Variants in CSF1 observed in about 807,000 individuals in gnomAD.
CSF1 encodes the protein colony stimulating factor 1, also known as macrophage colony-stimulating factor 1.
In CSF1, 9 loss-of-function variants were observed where a neutral mutation model predicts 48.9. The ratio of observed to expected loss-of-function variants is 0.18; its 90% CI spans 0.11 to 0.32. The LOEUF is 0.32. Among genes scored for constraint, CSF1 ranks in the 10% least tolerant of loss-of-function variants. The probability of loss-of-function intolerance (pLI) is 1.00; values close to 1 mark genes in which losing one functional copy is unlikely to be tolerated. For synonymous variants in CSF1, 305 were observed against 284.1 expected (o/e 1.07, Z -0.74); for missense variants, 672 against 697.9 (o/e 0.96, Z 0.42).
chr1:109,910,672 G>A (rs1300777008), upstream of CSF1: 1 of 328,240 alleles, frequency 3.0e-6, no homozygotes, highest in Non-Finnish European at 6.1e-6. Flanking sequence ...GCCGGCCGGC[G>A]GGTGGGGGAG....
At chr1:109,921,351 T>G (rs1193610509) in intron 4 of CSF1, among the ~76,000 whole-genome samples, 1 of 152,252 alleles carries the variant, frequency 6.6e-6, no homozygotes, top group African/African-American at 2.4e-5. Context: ...TCAGGACTTT[T>G]GCACGGTCTG....
Position 109,930,773 on chromosome 1 carries a change from G to A in CSF1, c.*1935G>A, listed in dbSNP as rs2101662761. ...TTGAGCACTTGGTGGCATCAGAGCA[G>A]GAGGAGCCCCAGAGCCACCTCTGGT... On this transcript the variant is annotated 3_prime_UTR_variant, in exon 9 of 9. Coordinates refer to ENST00000329608, the MANE Select transcript of CSF1 (RefSeq NM_000757.6). 1 of 152,336 alleles carries A rather than the reference G, an allele frequency of 6.6e-6. No individual in the cohort carries two copies. Among genetic ancestry groups the A allele is most frequent in the Non-Finnish European group, 1.5e-5 (1 of 68,042 alleles). 9.4% of individuals were successfully genotyped at this position (152,336 alleles called of 1,614,324 possible). A position where few individuals can be genotyped will look rare whatever the true frequency, so the allele number is the denominator to read the frequency against.
At chr1:109,911,168 T>C (rs1186211073) in intron 1 of CSF1, 106 bp downstream of exon 1, 6 of 710,826 alleles carry the variant, frequency 8.4e-6, no homozygotes, top group Non-Finnish European at 1.0e-5. Context: ...GCGCGCCGGC[T>C]GCACTGGCCC....
At chr1:109,925,005 T>A (rs577644582) in intron 7 of CSF1, 142 bp from the exon 8 acceptor site, 2 of 1,048,050 alleles carry the variant, frequency 1.9e-6, no homozygotes, top group Non-Finnish European at 1.5e-6. Flanking sequence ...TTTCCTGATT[T>A]CTCCGTAGAG....
intron 2 of CSF1, among the ~76,000 whole-genome samples, chr1:109,914,916 C>A (rs1654831198): frequency 6.6e-6 from 1 of 152,264 alleles, no homozygotes. Context: ...TCATCTGGGC[C>A]ATGAAGGAGC....
intron 5 of CSF1, chr1:109,922,380 AT>A (rs1299490139): frequency 5.8e-6 from 1 of 173,776 alleles, no homozygotes; most frequent in African/African-American, 2.4e-5. Flanking sequence ...GCTGACACCC[AT>A]CTGGGAGTCA....
rs1654802202 is a variant in CSF1 at position 109,914,272 on chromosome 1, C to G, written c.53C>G (p.Ser18Cys). ...TCTCTGTCACAGACATGGCTGGGCT[C>G]CCTGCTGTTGTTGGTCTGTCTCCTG... ...GRCPPTTWLG[S>C]LLLLVCLLAS... Residue 18 changes from serine (S) to cysteine (C), a missense_variant, in exon 2 of 9, where the codon TCC becomes TGC. Ser to Cys is a moderately radical substitution (Grantham distance 112). Around this residue, in one of 3 missense-constraint regions of CSF1, gnomAD observed 53 missense variants for 45.5 expected, o/e 1.17. Coordinates refer to ENST00000329608, the MANE Select transcript of CSF1 (RefSeq NM_000757.6). The G allele has an allele frequency of 1.9e-6, 3 of 1,605,300 alleles. No individual in the cohort carries two copies. Among genetic ancestry groups the G allele is most frequent in the Admixed American group, 1.7e-5 (1 of 58,964 alleles).
At position 109,915,137 on chromosome 1, in the gene CSF1, G is replaced by C. The variant is rs367735995; in HGVS notation, c.163-497G>C. ...CTCTTGCCCCAGCACTACTTCTCCTGTATGTAGTTGCTGTAGCAATCCAAG... is the reference window on the plus strand; with the variant it reads ...CTCTTGCCCCAGCACTACTTCTCCTCTATGTAGTTGCTGTAGCAATCCAAG... On this transcript the variant is annotated intron_variant, in intron 2 of 8. Coordinates refer to ENST00000329608, the MANE Select transcript of CSF1 (RefSeq NM_000757.6). Among the ~76,000 whole-genome samples the C allele has an allele frequency of 3.3e-4, 50 of 152,290 alleles. 1 individual carries two copies. The highest frequency in any genetic ancestry group is 1.2e-3 in the African/African-American group (50 of 41,532).
chr1:109,915,747 C>G (rs1158854163), intron 3 of CSF1, 51 bp downstream of exon 3: 2 of 1,464,018 alleles, frequency 1.4e-6, no homozygotes, highest in Non-Finnish European at 1.9e-6. Context: ...ATGCAACTCC[C>G]AGGGTGGGGT....
chr1:109,915,819 C>T, intron 3 of CSF1, 123 bp downstream of exon 3: 2 of 824,194 alleles, frequency 2.4e-6, no homozygotes, highest in Non-Finnish European at 4.1e-6. Context: ...GTGTGAGGAT[C>T]CATGGGTGCT....
chr1:109,928,693 C>G (rs1195121050), intron 8 of CSF1, among the ~76,000 whole-genome samples, 159 bp from the exon 9 acceptor site: 2 of 152,132 alleles, frequency 1.3e-5, no homozygotes, highest in Non-Finnish European at 2.9e-5. Context: ...GCTGCCTGGT[C>G]TCTCTGTGGT....
intron 8 of CSF1, chr1:109,925,988 A>G (rs1363321628): frequency 2.0e-5 from 3 of 152,242 alleles, no homozygotes; most frequent in Non-Finnish European, 4.4e-5. Context: ...TCAGGTATCC[A>G]TGTCCCCTTT....
Position 109,917,519 on chromosome 1 carries a change from C to T in CSF1, c.396+56C>T, listed in dbSNP as rs1185094224. ...TGAGGGCAGAGGGTGGCTGTGGAGGCGCCGCTCTATCCACAGGCACAGAGT... is the reference window on the plus strand; with the variant it reads ...TGAGGGCAGAGGGTGGCTGTGGAGGTGCCGCTCTATCCACAGGCACAGAGT... On this transcript the variant is annotated intron_variant, in intron 4 of 8. Transcript: ENST00000329608. 1.6e-5 allele frequency: 25 copies of T among 1,548,164 alleles called. No individual in the cohort carries two copies. The African/African-American group carries it at 1.8e-4, about 11-fold the overall frequency.
intron 2 of CSF1, 88 bp downstream of exon 2, chr1:109,914,469 C>A: frequency 6.8e-7 from 1 of 1,462,852 alleles, no homozygotes; most frequent in Non-Finnish European, 9.1e-7. Context: ...AGAGCAGTTG[C>A]AGGCAGGAAA....
intron 4 of CSF1, among the ~76,000 whole-genome samples, chr1:109,917,760 T>C (rs1647302361): frequency 6.6e-6 from 1 of 152,140 alleles, no homozygotes; most frequent in Non-Finnish European, 1.5e-5. Flanking sequence ...AATTACAAAC[T>C]ATAAGGACTG....
chr1:109,921,067 G>C (rs1006505806), intron 4 of CSF1, among the ~76,000 whole-genome samples: 29 of 152,014 alleles, frequency 1.9e-4, no homozygotes, highest in Admixed American at 1.7e-3. Flanking sequence ...ATGCCTGGCG[G>C]CTGCCCCGTT....
chr1:109,924,946 G>T, intron 7 of CSF1, 118 bp downstream of exon 7: 1 of 1,120,486 alleles, frequency 8.9e-7, no homozygotes, highest in Non-Finnish European at 1.3e-6. Flanking sequence ...TGCAGAACAG[G>T]ATGGGGGAGA....
At position 109,929,737 on chromosome 1, in the gene CSF1, T is replaced by C; in HGVS notation, c.*899T>C. ...TCCACTCTCCAGCCTCTCCCCAGCC[T>C]CCTGCACTGAGCTGGCCTCACCAGT... is the stretch of plus-strand genomic sequence containing the variant. On this transcript the variant is annotated 3_prime_UTR_variant, in exon 9 of 9. Transcript: ENST00000329608. The C allele has an allele frequency of 6.5e-6, 1 of 154,298 alleles. No individual in the cohort carries two copies. The highest frequency in any genetic ancestry group is 1.4e-5 in the Non-Finnish European group (1 of 69,358). 9.6% of individuals were successfully genotyped at this position (154,298 alleles called of 1,614,324 possible).
chr1:109,921,000 G>C (rs1278069770), intron 4 of CSF1, among the ~76,000 whole-genome samples: 1 of 152,098 alleles, frequency 6.6e-6, no homozygotes, highest in Non-Finnish European at 1.5e-5. Flanking sequence ...CAGAAGACAG[G>C]GCTGGGACCT....
Sources: gnomAD v4.1 joint callset for allele counts (sites outside exome capture counted in the v4.1 genomes callset) on GRCh38, gnomAD v4.1.1 for gene constraint, gnomAD v4.1.1 regional missense constraint, MANE v1.5 for transcripts, NCBI Gene and HGNC (gene_info 2026-07-23, HGNC 2026-07-21) for gene names.